Variants in AP1S3 observed in about 807,000 individuals in gnomAD.
The protein encoded by AP1S3 is adaptor related protein complex 1 subunit sigma 3.
Under a neutral mutation model 20.9 loss-of-function variants are expected in AP1S3, and 10 were observed. The observed-to-expected ratio is 0.48, with a 90% confidence interval of 0.29 to 0.81. AP1S3 has a LOEUF of 0.81. AP1S3 is among the 30% of genes least tolerant of loss of function. The pLI is 0.08. For missense variants in AP1S3, 154 were observed against 183.8 expected (o/e 0.84, Z 0.94); for synonymous variants, 41 against 61.5 (o/e 0.67, Z 1.56).
intron 3 of AP1S3, among the ~76,000 whole-genome samples, chr2:223,775,661 C>T (rs1181861530): frequency 6.6e-6 from 1 of 152,010 alleles, no homozygotes; most frequent in South Asian, 2.1e-4. Flanking sequence ...GGCAACATAG[C>T]AGGACTCCAT....
chr2:223,807,253 T>C (rs144704147), intron 1 of AP1S3, among the ~76,000 whole-genome samples: 3,244 of 151,852 alleles, frequency 0.021, 126 homozygotes, highest in African/African-American at 0.073. Context: ...GGTGACAGAG[T>C]AAGACCCTGT....
intron 1 of AP1S3, among the ~76,000 whole-genome samples, chr2:223,800,555 T>C (rs1033720054): frequency 2.0e-5 from 3 of 151,900 alleles, no homozygotes; most frequent in African/African-American, 7.3e-5. Flanking sequence ...ATTAATATAA[T>C]TTATCACACC....
intron 1 of AP1S3, among the ~76,000 whole-genome samples, chr2:223,807,041 G>A (rs1294018905): frequency 2.0e-5 from 3 of 152,156 alleles, no homozygotes; most frequent in Non-Finnish European, 4.4e-5. Flanking sequence ...CAAGGTGGGA[G>A]GATTGCTTGA....
chr2:223,819,749 T>C lies in AP1S3; in HGVS notation c.3+17699A>G, dbSNP rs377610080. ...AAGATTATAGTACAGAATATAATTC[T>C]AAATTAGTAGTATATTATAGAAGCA... On this transcript the variant is annotated intron_variant, in intron 1 of 4. Coordinates refer to ENST00000396654, the MANE Select transcript of AP1S3 (RefSeq NM_001039569.2). Among the ~76,000 whole-genome samples the C allele has an allele frequency of 6.6e-5, 10 of 152,328 alleles. No individual in the cohort carries two copies. The South Asian group carries it at 2.1e-3, about 32-fold the overall frequency.
intron 1 of AP1S3, among the ~76,000 whole-genome samples, chr2:223,827,911 T>C (rs1405596589): frequency 2.0e-5 from 3 of 151,170 alleles, no homozygotes; most frequent in East Asian, 4.0e-4. Context: ...ATACAAAAAT[T>C]AGCTGGGTGT....
At chr2:223,803,926 C>T (rs187932988) in intron 1 of AP1S3, among the ~76,000 whole-genome samples, 76 of 151,358 alleles carry the variant, frequency 5.0e-4, no homozygotes, top group Admixed American at 2.1e-3. Flanking sequence ...CCAAAAGGTA[C>T]TTAATAATGA....
chr2:223,770,240 T>C (rs1690583158), intron 3 of AP1S3: 2 of 1,550,840 alleles, frequency 1.3e-6, no homozygotes. Context: ...AGTAGCAAGC[T>C]GAGGAACCTC....
At position 223,757,583 on chromosome 2, in the gene AP1S3, C is replaced by T. The variant is rs566821930; in HGVS notation, c.*1132G>A. ...GATTACAGGTGTAAGCCACCACTCC[C>T]GGCCTACAAGCTATTTCCCTGTAAT... On this transcript the variant is annotated 3_prime_UTR_variant, in exon 5 of 5. Transcript: ENST00000396654. The T allele has an allele frequency of 1.3e-5, 13 of 984,980 alleles. No individual in the cohort carries two copies. The Admixed American group carries it at 1.8e-4, about 14-fold the overall frequency. 61.0% of individuals were successfully genotyped at this position (984,980 alleles called of 1,614,324 possible).
chr2:223,768,099 A>G (rs1690525207), intron 3 of AP1S3, among the ~76,000 whole-genome samples: 1 of 152,142 alleles, frequency 6.6e-6, no homozygotes, highest in Non-Finnish European at 1.5e-5. Context: ...GGTCTTCAGG[A>G]CAAAGGCATA....
chr2:223,832,811 T>C (rs1321990061), intron 1 of AP1S3, among the ~76,000 whole-genome samples: 2 of 145,816 alleles, frequency 1.4e-5, no homozygotes, highest in Non-Finnish European at 3.0e-5. Flanking sequence ...TTTTTTCTTT[T>C]TTTTTTTTTT....
intron 3 of AP1S3, among the ~76,000 whole-genome samples, chr2:223,771,290 C>G (rs1690617694): frequency 6.6e-6 from 1 of 151,980 alleles, no homozygotes; most frequent in Admixed American, 6.6e-5. Flanking sequence ...TGAGCCAAGA[C>G]TGCACCACTG....
chr2:223,763,315 C>T (rs1296920747), intron 4 of AP1S3, among the ~76,000 whole-genome samples: 1 of 152,232 alleles, frequency 6.6e-6, no homozygotes, highest in African/African-American at 2.4e-5. Context: ...GAACCAGCAA[C>T]ACCAGATTTA....
intron 3 of AP1S3, 63 bp downstream of exon 3, chr2:223,775,836 CAG>C: frequency 8.1e-7 from 1 of 1,229,482 alleles, no homozygotes; most frequent in East Asian, 2.4e-5. Flanking sequence ...TGACCAGAGA[CAG>C]AACTGAAGTA....
At chr2:223,803,709 C>T (rs1261460798) in intron 1 of AP1S3, among the ~76,000 whole-genome samples, 1 of 151,968 alleles carries the variant, frequency 6.6e-6, no homozygotes, top group Admixed American at 6.6e-5. Context: ...GAAACCCAGT[C>T]TCTACTAAAA....
rs905890035 is a variant in AP1S3 at position 223,757,982 on chromosome 2, A to G, written c.*733T>C. The G allele has an allele frequency of 4.2e-6, 4 of 963,694 alleles. No individual in the cohort carries two copies. The highest frequency in any genetic ancestry group is 4.9e-6 in the Non-Finnish European group (4 of 810,246). 59.7% of individuals were successfully genotyped at this position (963,694 alleles called of 1,614,324 possible). ...ATAGATGCTGTATCTCTAGGTCTCT[A>G]TAAACCTTAATAAATATATAGTTCA... On this transcript the variant is annotated 3_prime_UTR_variant, in exon 5 of 5. Transcript: ENST00000396654.
rs1460743472 is a variant in AP1S3 at position 223,756,081 on chromosome 2, G to A, written c.*2634C>T. On this transcript the variant is annotated 3_prime_UTR_variant, in exon 5 of 5. Transcript: ENST00000396654. ...TGGCCGGGTGCAGCGGCTCATGCCT[G>A]TAATTCCAGCACTTTGGAAGGCCAA... The A allele has an allele frequency of 3.3e-5, 32 of 982,520 alleles. No homozygotes were observed. Among genetic ancestry groups the A allele is most frequent in the African/African-American group, 7.0e-5 (4 of 57,156 alleles). The allele number at this position is 982,520 out of a possible 1,614,324, so 60.9% of individuals were successfully genotyped here.
intron 3 of AP1S3, among the ~76,000 whole-genome samples, chr2:223,765,621 C>T (rs560056066): frequency 1.3e-5 from 2 of 152,272 alleles, no homozygotes; most frequent in South Asian, 2.1e-4. Context: ...TGAGGCCACT[C>T]GGCTCCTCTT....
At chr2:223,803,496 G>A (rs535225402) in intron 1 of AP1S3, among the ~76,000 whole-genome samples, 3 of 152,244 alleles carry the variant, frequency 2.0e-5, no homozygotes, top group South Asian at 4.1e-4. Flanking sequence ...TGTACTCAAC[G>A]AAAATTGTTC....
rs1327282774 is a variant in AP1S3 at position 223,770,526 on chromosome 2, ACACACC to A, written c.292-5182_292-5177del. Among the ~76,000 whole-genome samples the A allele has an allele frequency of 6.5e-3, 980 of 151,614 alleles. 13 individuals are homozygous for A. The highest frequency in any genetic ancestry group is 0.022 in the African/African-American group (919 of 41,202). ...CACACACACACACACACACACACAC[ACACACC>A]CCTTGATATACAGTTACTATCTGTA... On this transcript the variant is annotated intron_variant, in intron 3 of 4. Coordinates refer to ENST00000396654, the MANE Select transcript of AP1S3 (RefSeq NM_001039569.2).
Sources: allele counts gnomAD v4.1 joint callset (sites outside exome capture counted in the v4.1 genomes callset), GRCh38; gene constraint gnomAD v4.1.1; transcripts MANE v1.5; gene names NCBI Gene and HGNC (gene_info 2026-07-23, HGNC 2026-07-21).